The following CCSER2 variants were observed in gnomAD, a reference collection of about 807,000 sequenced individuals.
CCSER2 encodes the protein coiled-coil serine rich protein 2.
A neutral mutation model predicts 92.3 loss-of-function variants in CCSER2; 46 were observed. The ratio of observed to expected loss-of-function variants is 0.50; its 90% CI spans 0.39 to 0.64. The LOEUF is 0.64. Ranked by LOEUF, CCSER2 falls within the 30% of genes least tolerant of loss-of-function variation. The pLI is 0.00. For synonymous variants in CCSER2, 433 were observed against 431.4 expected (o/e 1.00, Z -0.04); for missense variants, 1,244 against 1,238.9 (o/e 1.00, Z -0.06).
intron 6 of CCSER2, among the ~76,000 whole-genome samples, chr10:84,447,051 C>T (rs1844967251): frequency 6.6e-6 from 1 of 150,530 alleles, no homozygotes; most frequent in Non-Finnish European, 1.5e-5. Context: ...TTGACTCTGA[C>T]AAATAATATT....
chr10:84,359,539 C>T (rs952175405), intron 1 of CCSER2, among the ~76,000 whole-genome samples: 2 of 152,070 alleles, frequency 1.3e-5, no homozygotes, highest in Non-Finnish European at 2.9e-5. Context: ...TAACAAGTTT[C>T]TAGGTGTTAT....
At chr10:84,375,717 T>A (rs1283464142) in intron 3 of CCSER2, among the ~76,000 whole-genome samples, 2 of 151,752 alleles carry the variant, frequency 1.3e-5, no homozygotes. Context: ...AAATAGTTTA[T>A]TATTTTAAAA....
chr10:84,463,933 C>G lies in CCSER2; in HGVS notation c.2065C>G (p.His689Asp), dbSNP rs766227155. Residue 689 changes from histidine (H) to aspartate (D), a missense_variant and splice_region_variant, in exon 7 of 10, where the codon CAT (histidine) becomes GAT (aspartate). Coordinates refer to ENST00000372088, the MANE Select transcript of CCSER2 (RefSeq NM_001284240.2). ...GTTTTTCTTCCCTTCTTTCTGACAG[C>G]ATGATGGAAGTGGTTCATTGCATGA... ...LLKLKRLLHQ[H>D]DGSGSLHDIQ... is the part of the protein sequence containing the mutation. The G allele has an allele frequency of 6.3e-7, 1 of 1,598,632 alleles. No homozygotes were observed. Among genetic ancestry groups the G allele is most frequent in the Non-Finnish European group, 8.6e-7 (1 of 1,166,936 alleles).
intron 9 of CCSER2, among the ~76,000 whole-genome samples, chr10:84,479,012 A>T (rs1847309325): frequency 6.6e-6 from 1 of 152,102 alleles, no homozygotes. Flanking sequence ...CCCCATAGGG[A>T]TGTTATGCCT....
intron 1 of CCSER2, among the ~76,000 whole-genome samples, chr10:84,331,663 A>G (rs2132957644): frequency 6.6e-6 from 1 of 152,324 alleles, no homozygotes; most frequent in East Asian, 1.9e-4. Flanking sequence ...CTGTCTCTAA[A>G]AAGTTGAAAT....
At chr10:84,457,630 A>T (rs1367843308) in intron 6 of CCSER2, among the ~76,000 whole-genome samples, 1 of 89,462 alleles carries the variant, frequency 1.1e-5, no homozygotes, top group Non-Finnish European at 2.2e-5. Flanking sequence ...ATATTTATAT[A>T]TTATATATAA....
chr10:84,418,556 A>G (rs1388954087), intron 4 of CCSER2, among the ~76,000 whole-genome samples: 1 of 152,196 alleles, frequency 6.6e-6, no homozygotes, highest in African/African-American at 2.4e-5. Flanking sequence ...CTGTCAATCA[A>G]CATTTGCCTG....
At position 84,438,634 on chromosome 10, in the gene CCSER2, C is replaced by A; in HGVS notation, c.1991C>A (p.Thr664Asn). The change falls in exon 6 of 10, where the codon ACC becomes AAC. Residue 664 changes from threonine to asparagine, a missense_variant. Thr to Asn is a moderately conservative substitution (Grantham distance 65). Coordinates refer to ENST00000372088, the MANE Select transcript of CCSER2 (RefSeq NM_001284240.2). ...PENTVILDEM[T>N]LRHMVQDCTA... ...AATACAGTGATACTGGATGAGATGACCCTTCGGCACATGGTTCAGGATTGC... is the reference window on the plus strand; with the variant it reads ...AATACAGTGATACTGGATGAGATGAACCTTCGGCACATGGTTCAGGATTGC... The A allele has an allele frequency of 6.2e-7, 1 of 1,613,666 alleles. No homozygotes were observed. The highest frequency in any genetic ancestry group is 1.1e-5 in the South Asian group (1 of 91,050).
At chr10:84,389,367 T>C (rs990400041) in intron 3 of CCSER2, 18 of 519,982 alleles carry the variant, frequency 3.5e-5, no homozygotes, top group South Asian at 2.5e-4. Context: ...TCACCTTGTT[T>C]AATATTTTCC....
intron 9 of CCSER2, among the ~76,000 whole-genome samples, chr10:84,485,170 A>G (rs1351611998): frequency 6.6e-6 from 1 of 152,216 alleles, no homozygotes; most frequent in Non-Finnish European, 1.5e-5. Context: ...GTTACATTTT[A>G]CATAATTGTA....
At chr10:84,348,072 A>G (rs990399510) in intron 1 of CCSER2, among the ~76,000 whole-genome samples, 26 of 152,304 alleles carry the variant, frequency 1.7e-4, no homozygotes, top group Admixed American at 5.9e-4. Flanking sequence ...AGAGGCTGCA[A>G]TCTCGGCACT....
chr10:84,392,094 G>A (rs1841552027), intron 3 of CCSER2: 2 of 783,042 alleles, frequency 2.6e-6, no homozygotes, highest in South Asian at 2.9e-5. Flanking sequence ...TTCAGTCTTG[G>A]AGACTATGAG....
In CCSER2 at chr10:84,328,612, A is replaced by G. The variant is rs868637653; in HGVS notation, c.-236A>G. Reference sequence around the variant, plus strand: ...GCGGAGTCCGGGCGGGCGCCGGCCGAGGGAGGGGGCGCGGCGGCTTTGGAG... The same window carrying G: ...GCGGAGTCCGGGCGGGCGCCGGCCGGGGGAGGGGGCGCGGCGGCTTTGGAG... On this transcript the variant is annotated 5_prime_UTR_variant, in exon 1 of 10. Coordinates refer to ENST00000372088, the MANE Select transcript of CCSER2 (RefSeq NM_001284240.2). 1.4e-5 allele frequency: 2 copies of G among 148,120 alleles called. No individual in the cohort carries two copies. The highest frequency in any genetic ancestry group is 5.0e-5 in the African/African-American group (2 of 40,002). The allele number at this position is 148,120 out of a possible 1,614,324, so 9.2% of individuals were successfully genotyped here. A position where few individuals can be genotyped will look rare whatever the true frequency, so the allele number is the denominator to read the frequency against.
chr10:84,405,776 T>A (rs1289754615), intron 3 of CCSER2, among the ~76,000 whole-genome samples: 1 of 152,152 alleles, frequency 6.6e-6, no homozygotes, highest in Non-Finnish European at 1.5e-5. Context: ...AGAGCTAAAA[T>A]AAAGATTACT....
chr10:84,465,307 T>C (rs1326319526), intron 7 of CCSER2, among the ~76,000 whole-genome samples: 1 of 145,642 alleles, frequency 6.9e-6, no homozygotes, highest in African/African-American at 2.5e-5. Context: ...GTTTTTTACA[T>C]GTAAAGATTT....
intron 4 of CCSER2, among the ~76,000 whole-genome samples, chr10:84,418,879 T>C (rs1169556583): frequency 1.3e-5 from 2 of 152,140 alleles, no homozygotes; most frequent in African/African-American, 4.8e-5. Flanking sequence ...GGGACTAGCT[T>C]GAGGTCTGTT....
chr10:84,506,501 A>G (rs948171426), intron 9 of CCSER2, among the ~76,000 whole-genome samples: 25 of 152,328 alleles, frequency 1.6e-4, no homozygotes, highest in African/African-American at 5.8e-4. Context: ...TTCAATGGCA[A>G]TAATTAAACT....
intron 9 of CCSER2, among the ~76,000 whole-genome samples, chr10:84,484,034 C>T (rs528334223): frequency 4.1e-4 from 57 of 138,132 alleles, no homozygotes; most frequent in South Asian, 3.7e-3. Flanking sequence ...CTCGCTCTGT[C>T]GTGATCCTGG....
At chr10:84,368,979 T>TC (rs1300154721) in intron 1 of CCSER2, among the ~76,000 whole-genome samples, 1 of 152,160 alleles carries the variant, frequency 6.6e-6, no homozygotes, top group African/African-American at 2.4e-5. Flanking sequence ...AATAATGGCC[T>TC]CCATCTCCAT....
Sources: gnomAD v4.1 joint callset for allele counts (sites outside exome capture counted in the v4.1 genomes callset) on GRCh38, gnomAD v4.1.1 for gene constraint, MANE v1.5 for transcripts, NCBI Gene and HGNC (gene_info 2026-07-23, HGNC 2026-07-21) for gene names.